RPAP3: variants seen among roughly 807,000 people sequenced by gnomAD.
RPAP3 encodes the protein RNA polymerase II associated protein 3.
RPAP3 carries 58 observed loss-of-function variants against 88.8 expected under a neutral mutation model. The ratio of observed to expected loss-of-function variants is 0.65; its 90% CI spans 0.53 to 0.81. The LOEUF (loss-of-function observed/expected upper bound fraction) is 0.81. Among genes scored for constraint, RPAP3 ranks in the 40% least tolerant of loss-of-function variants. The pLI, the probability that RPAP3 is intolerant of heterozygous loss-of-function variation, is 0.00. For missense variants in RPAP3, 751 were observed against 764.3 expected (o/e 0.98, Z 0.20); for synonymous variants, 255 against 259.9 (o/e 0.98, Z 0.18).
chr12:47,676,587 T>A (rs1421005068), intron 12 of RPAP3, among the ~76,000 whole-genome samples: 1 of 152,030 alleles, frequency 6.6e-6, no homozygotes, highest in African/African-American at 2.4e-5. Context: ...CCCACAGAAA[T>A]ACAAACTACC....
chr12:47,695,763 G>A (rs1939512659), intron 5 of RPAP3, among the ~76,000 whole-genome samples: 1 of 152,072 alleles, frequency 6.6e-6, no homozygotes, highest in African/African-American at 2.4e-5. Context: ...CTTCCTTGAT[G>A]GTGTTTATCT....
chr12:47,698,940 T>C (rs60873325), intron 3 of RPAP3, among the ~76,000 whole-genome samples: 5,774 of 152,332 alleles, frequency 0.038, 361 homozygotes, highest in African/African-American at 0.13. Flanking sequence ...AAATTATGCA[T>C]AGTTTCATTA....
intron 4 of RPAP3, among the ~76,000 whole-genome samples, chr12:47,697,299 G>GAAT (rs955141700): frequency 7.2e-5 from 11 of 152,108 alleles, no homozygotes; most frequent in African/African-American, 2.2e-4. Flanking sequence ...ATTTTACATA[G>GAAT]AATAGTTCAC....
intron 3 of RPAP3, among the ~76,000 whole-genome samples, chr12:47,698,277 G>A (rs1174349607): frequency 6.6e-6 from 1 of 151,770 alleles, no homozygotes; most frequent in East Asian, 1.9e-4. Context: ...CACTCAGCTA[G>A]TAAGTGACCA....
In RPAP3 at chr12:47,689,074, C is replaced by A. The variant is rs187929467; in HGVS notation, c.738+51G>T. The A allele has an allele frequency of 7.4e-6, 6 of 807,800 alleles. No individual in the cohort carries two copies. In the African/African-American group the frequency reaches 1.1e-4, roughly 14 times the overall value. The allele number at this position is 807,800 out of a possible 1,614,324, so 50.0% of individuals were successfully genotyped here. On this transcript the variant is annotated intron_variant, in intron 7 of 16. Transcript: ENST00000005386. Reference sequence around the variant, plus strand: ...TACAAAATCTATGCAAAAAGCTTTACTTCTTCAAATAAAGGTCATAATACA... The same window carrying A: ...TACAAAATCTATGCAAAAAGCTTTAATTCTTCAAATAAAGGTCATAATACA...
chr12:47,670,231 C>T lies in RPAP3; in HGVS notation c.1402G>A (p.Val468Ile), dbSNP rs1459694996. Residue 468 changes from valine to isoleucine, a missense_variant, in exon 13 of 17, where the codon GTA becomes ATA. Physicochemically the swap from Val to Ile is conservative, Grantham distance 29 (BLOSUM62 3). Coordinates refer to ENST00000005386, the MANE Select transcript of RPAP3 (RefSeq NM_024604.3). ...CTTGTGGTGCCTGTGGCTGCTATTA[C>T]ATTTGCTAGATTAATAGGATTATTC... is the stretch of plus-strand genomic sequence containing the variant. Reference protein sequence around the residue: ...PENNPINLANVIAATGTTSKK... With the variant: ...PENNPINLANIIAATGTTSKK... The T allele has an allele frequency of 6.2e-7, 1 of 1,613,496 alleles. No individual in the cohort carries two copies. The highest frequency in any genetic ancestry group is 8.5e-7 in the Non-Finnish European group (1 of 1,179,486).
intron 9 of RPAP3, among the ~76,000 whole-genome samples, chr12:47,683,688 T>A (rs1293365882): frequency 1.3e-5 from 2 of 152,140 alleles, no homozygotes; most frequent in African/African-American, 4.8e-5. Flanking sequence ...TCAACAAACA[T>A]CTTTTAGGTG....
chr12:47,669,127 C>G, intron 13 of RPAP3, 25 bp from the exon 14 acceptor site: 1 of 1,540,210 alleles, frequency 6.5e-7, no homozygotes. Flanking sequence ...AGGTATCAAA[C>G]AGAAAAGAAC....
intron 5 of RPAP3, among the ~76,000 whole-genome samples, chr12:47,691,914 T>G (rs1480642882): frequency 6.6e-6 from 1 of 151,964 alleles, no homozygotes; most frequent in Non-Finnish European, 1.5e-5. Context: ...CCTGGCTAAT[T>G]TTTTGTATTT....
At chr12:47,668,016 G>C (rs1938917672) in intron 14 of RPAP3, among the ~76,000 whole-genome samples, 165 bp from the exon 15 acceptor site, 1 of 152,110 alleles carries the variant, frequency 6.6e-6, no homozygotes, top group African/African-American at 2.4e-5. Flanking sequence ...CCAACATGGA[G>C]AAACCCCATC....
At chr12:47,690,489 G>C in intron 6 of RPAP3, 29 bp downstream of exon 6, 1 of 1,565,936 alleles carries the variant, frequency 6.4e-7, no homozygotes, top group Non-Finnish European at 8.7e-7. Flanking sequence ...CACTGTTAAA[G>C]AATTCTTTAG....
At position 47,667,807 on chromosome 12, in the gene RPAP3, C is replaced by G. The variant is rs1270114104; in HGVS notation, c.1758G>C (p.Leu586=). 1 of 1,605,798 alleles carries G rather than the reference C, an allele frequency of 6.2e-7. No individual in the cohort carries two copies. Among genetic ancestry groups the G allele is most frequent in the Non-Finnish European group, 8.5e-7 (1 of 1,175,396 alleles). ...SLYPKLFQKN[L]DPDVFNQIVK... Reference sequence around the variant, plus strand: ...CGATCTGGTTGAATACATCTGGATCCAGATTTTTCTGAAACAACTTAGGAT... The same window carrying G: ...CGATCTGGTTGAATACATCTGGATCGAGATTTTTCTGAAACAACTTAGGAT... Residue 586 remains leucine (L), a synonymous_variant, in exon 15 of 17, where the codon CTG becomes CTC. Transcript: ENST00000005386.
At chr12:47,681,672 G>A in intron 10 of RPAP3, 24 bp downstream of exon 10, 3 of 1,608,466 alleles carry the variant, frequency 1.9e-6, no homozygotes, top group Non-Finnish European at 2.5e-6. Context: ...GGATGACTGA[G>A]TGCCAGCTGT....
At chr12:47,671,210 A>G (rs1175289305) in intron 12 of RPAP3, among the ~76,000 whole-genome samples, 1 of 152,184 alleles carries the variant, frequency 6.6e-6, no homozygotes, top group Non-Finnish European at 1.5e-5. Context: ...AACACACAGA[A>G]ATACACTGAG....
intron 9 of RPAP3, among the ~76,000 whole-genome samples, chr12:47,686,407 A>G (rs1939320751): frequency 6.6e-6 from 1 of 152,226 alleles, no homozygotes; most frequent in South Asian, 2.1e-4. Flanking sequence ...TACTATACAT[A>G]AAGCGACTAG....
At position 47,670,352 on chromosome 12, in the gene RPAP3, C is replaced by A; in HGVS notation, c.1288-7G>T. On this transcript the variant is annotated splice_polypyrimidine_tract_variant and splice_region_variant and intron_variant, in intron 12 of 16. Coordinates refer to ENST00000005386, the MANE Select transcript of RPAP3 (RefSeq NM_024604.3). ...TAACCTTCTTGAGTGGTTTCTAAAA[C>A]AATTAAAATCAATTCCTTAAATCAA... 1 of 1,432,400 alleles carries A rather than the reference C, an allele frequency of 7.0e-7. No homozygotes were observed. The highest frequency in any genetic ancestry group is 9.7e-7 in the Non-Finnish European group (1 of 1,028,342). The allele number at this position is 1,432,400 out of a possible 1,614,324, so 88.7% of individuals were successfully genotyped here. A position where few individuals can be genotyped will look rare whatever the true frequency, so the allele number is the denominator to read the frequency against.
chr12:47,698,151 A>C (rs968106975), intron 3 of RPAP3, among the ~76,000 whole-genome samples: 1 of 152,072 alleles, frequency 6.6e-6, no homozygotes, highest in Non-Finnish European at 1.5e-5. Flanking sequence ...TAAAACGAAC[A>C]AAAAAAAGAG....
chr12:47,687,048 C>CA, intron 8 of RPAP3, 141 bp from the exon 9 acceptor site: 1 of 542,026 alleles, frequency 1.8e-6, no homozygotes, highest in African/African-American at 1.9e-5. Context: ...GCCCATGAGA[C>CA]ACGTTTTAAA....
At chr12:47,675,032 G>A (rs1209037008) in intron 12 of RPAP3, among the ~76,000 whole-genome samples, 1 of 152,224 alleles carries the variant, frequency 6.6e-6, no homozygotes, top group Non-Finnish European at 1.5e-5. Context: ...AAGCCCATCA[G>A]ACTAACAGCA....
Sources: gnomAD v4.1 joint callset for allele counts (sites outside exome capture counted in the v4.1 genomes callset) on GRCh38, gnomAD v4.1.1 for gene constraint, MANE v1.5 for transcripts, NCBI Gene and HGNC (gene_info 2026-07-23, HGNC 2026-07-21) for gene names.